Variants in CARD14 observed in about 807,000 individuals in gnomAD.
The protein encoded by CARD14 is caspase recruitment domain-containing protein 14.
CARD14 carries 107 observed loss-of-function variants against 111.5 expected under a neutral mutation model. That is an observed-to-expected ratio of 0.96 (90% confidence interval 0.82 to 1.13). The LOEUF (loss-of-function observed/expected upper bound fraction) is 1.13, where lower values mean the gene tolerates loss of function less well. Ranked by LOEUF, CARD14 falls within the 50% of genes most tolerant of loss-of-function variation. CARD14 has a pLI of 0.00. For synonymous variants in CARD14, 617 were observed against 579.6 expected, an observed-to-expected ratio of 1.06 and a Z score of -0.93; for missense variants, 1,322 against 1,362.3, an observed-to-expected ratio of 0.97 and a Z score of 0.47.
chr17:80,203,563 C>T lies in CARD14; in HGVS notation c.2220-259C>T. The T allele has an allele frequency of 4.5e-6, 2 of 447,656 alleles. No individual in the cohort carries two copies. Among genetic ancestry groups the T allele is most frequent in the Non-Finnish European group, 7.9e-6 (2 of 252,482 alleles). 27.7% of individuals were successfully genotyped at this position (447,656 alleles called of 1,614,324 possible). A position where few individuals can be genotyped will look rare whatever the true frequency, so the allele number is the denominator to read the frequency against. On this transcript the variant is annotated intron_variant, in intron 18 of 23. Transcript: ENST00000648509. This position sits in a 1 kb window ranked among gnomAD's most constrained non-coding sequence, Gnocchi z 4.6. Reference sequence around the variant, plus strand: ...TGTACGCTGGCTGCTCAACAGCACCCCCTGGGTCCCGCCCCAGGACAAGTA... The same window carrying T: ...TGTACGCTGGCTGCTCAACAGCACCTCCTGGGTCCCGCCCCAGGACAAGTA...
chr17:80,208,248 A>G lies in CARD14; in HGVS notation c.2918A>G (p.Asp973Gly), dbSNP rs766211408. Reference protein sequence around the residue: ...APCLYSSLAPDGWSDLDGLLS... With the variant: ...APCLYSSLAPGGWSDLDGLLS... The stretch of plus-strand genomic sequence containing the variant: ...TGTCTATACAGCAGCCTGGCTCCTG[A>G]CGGCTGGAGCGACCTGGACGGCCTG... The change falls in exon 24 of 24, where the codon GAC becomes GGC. Residue 973 changes from aspartate to glycine, a missense_variant. Transcript: ENST00000648509. 16 of 1,581,076 alleles carry G rather than the reference A, an allele frequency of 1.0e-5. No individual in the cohort carries two copies. In the East Asian group the frequency reaches 3.2e-4, roughly 32 times the overall value.
chr17:80,178,134 G>A (rs573157483), intron 2 of CARD14, among the ~76,000 whole-genome samples: 10 of 152,252 alleles, frequency 6.6e-5, no homozygotes, highest in African/African-American at 9.6e-5. Context: ...CTCTGCGCCC[G>A]TCACTGTCCT....
At position 80,205,517 on chromosome 17, in the gene CARD14, A is replaced by G; in HGVS notation, c.2570-14A>G. On this transcript the variant is annotated splice_polypyrimidine_tract_variant and intron_variant, in intron 21 of 23. Transcript: ENST00000648509. ...CAGCTGGTCTATGATGGCCCCGTCC[A>G]ATGTCACCTGTAGAGTACTTGAGCC... 1 of 1,581,650 alleles carries G rather than the reference A, an allele frequency of 6.3e-7. No individual in the cohort carries two copies. Among genetic ancestry groups the G allele is most frequent in the Non-Finnish European group, 8.6e-7 (1 of 1,163,040 alleles).
chr17:80,199,477 GC>G (rs899085340), intron 16 of CARD14, among the ~76,000 whole-genome samples: 43 of 148,092 alleles, frequency 2.9e-4, no homozygotes, highest in African/African-American at 9.7e-4. Flanking sequence ...CTACTCAGAT[GC>G]CTGAGCCCAG....
At chr17:80,202,713 G>A in intron 18 of CARD14, 1 of 888,008 alleles carries the variant, frequency 1.1e-6, no homozygotes, top group Non-Finnish European at 1.5e-6. Context: ...CGTCTGTGGT[G>A]GGGCCGTCCT....
chr17:80,195,600 G>C lies in CARD14; in HGVS notation c.1542G>C (p.Pro514=). 2 of 1,613,212 alleles carry C rather than the reference G, an allele frequency of 1.2e-6. No individual in the cohort carries two copies. ...CGGAGGGAGACCCGGGAGCCCTGCC[G>C]GGAGCTAAGGCAGGCGACCCACACC... The part of the protein sequence containing the change: ...EIPEGDPGAL[P]GAKAGDPHLD... Residue 514 remains proline (P), a synonymous_variant, in exon 14 of 24, where the codon CCG becomes CCC. Coordinates refer to ENST00000648509, the MANE Select transcript of CARD14 (RefSeq NM_001366385.1). This position sits in a 1 kb window ranked among gnomAD's most constrained non-coding sequence, Gnocchi z 4.7.
intron 12 of CARD14, 51 bp downstream of exon 12, chr17:80,192,670 C>G: frequency 7.3e-7 from 1 of 1,361,530 alleles, no homozygotes. Context: ...CTGGGCCAGC[C>G]CAGGGGCCTC....
chr17:80,203,741 CA>C lies in CARD14; in HGVS notation c.2220-80del. The C allele has an allele frequency of 9.3e-7, 1 of 1,070,758 alleles. No individual in the cohort carries two copies. The highest frequency in any genetic ancestry group is 1.6e-5 in the African/African-American group (1 of 62,410). 66.3% of individuals were successfully genotyped at this position (1,070,758 alleles called of 1,614,324 possible). A position where few individuals can be genotyped will look rare whatever the true frequency, so the allele number is the denominator to read the frequency against. ...TTCTCTCCCACCCGGCCATCTCCCCCACTCTCCCCTGCTCGGCTCTCCCCTG... is the reference window on the plus strand; with the variant it reads ...TTCTCTCCCACCCGGCCATCTCCCCCCTCTCCCCTGCTCGGCTCTCCCCTG... On this transcript the variant is annotated intron_variant, in intron 18 of 23. Coordinates refer to ENST00000648509, the MANE Select transcript of CARD14 (RefSeq NM_001366385.1). This position sits in a 1 kb window ranked among gnomAD's most constrained non-coding sequence, Gnocchi z 4.6.
Position 80,201,678 on chromosome 17 carries a change from C to G in CARD14, c.1852-66C>G. ...CGCCTCGCCTCAGTGCCCTCAGCGC[C>G]TTCTGTCTTCTGGCTGGATTCAGAG... On this transcript the variant is annotated intron_variant, in intron 16 of 23. Coordinates refer to ENST00000648509, the MANE Select transcript of CARD14 (RefSeq NM_001366385.1). The surrounding 1 kb of genome is among the most constrained non-coding windows in gnomAD (Gnocchi z 5.0). 6.3e-7 allele frequency: 1 copy of G among 1,592,800 alleles called. No individual in the cohort carries two copies. Among genetic ancestry groups the G allele is most frequent in the Non-Finnish European group, 8.6e-7 (1 of 1,162,220 alleles).
Position 80,188,435 on chromosome 17 carries a change from A to G in CARD14, c.734A>G (p.Glu245Gly), listed in dbSNP as rs2040414785. The change falls in exon 8 of 24, where the codon GAA becomes GGA. Residue 245 changes from glutamate (E) to glycine (G), a missense_variant. Coordinates refer to ENST00000648509, the MANE Select transcript of CARD14 (RefSeq NM_001366385.1). This position sits in a 1 kb window ranked among gnomAD's most constrained non-coding sequence, Gnocchi z 4.5. ...AACATGGTTTCCTCCTGTGAGCTGG[A>G]ATTGCAAGAGCAGTCCCTGAGGACA... ...RANMVSSCEL[E>G]LQEQSLRTAS... is the part of the protein sequence containing the mutation. 6.2e-7 allele frequency: 1 copy of G among 1,610,180 alleles called. No homozygotes were observed. The highest frequency in any genetic ancestry group is 1.7e-5 in the Admixed American group (1 of 59,434).
intron 18 of CARD14, chr17:80,202,704 G>GACGGGGA: frequency 1.0e-6 from 1 of 967,656 alleles, no homozygotes; most frequent in Non-Finnish European, 1.4e-6. Context: ...CTGGATCCCC[G>GACGGGGA]TCTGTGGTGG....
rs770351305 is a variant in CARD14 at position 80,198,426 on chromosome 17, C to T, written c.1686C>T (p.Ala562=). 1.9e-6 allele frequency: 3 copies of T among 1,607,514 alleles called. No individual in the cohort carries two copies. The East Asian group carries it at 6.7e-5, about 36-fold the overall frequency. The stretch of plus-strand genomic sequence containing the variant: ...GCGTCCTCATGCGGCGGAGGCCAGC[C>T]CGCAGGATCCTGAGCCAGGTCACCA... The part of the protein sequence containing the change: ...ESGVLMRRRP[A]RRILSQVTML... The change falls in exon 16 of 24, where the codon GCC becomes GCT. Residue 562 remains alanine, a synonymous_variant. Coordinates refer to ENST00000648509, the MANE Select transcript of CARD14 (RefSeq NM_001366385.1). The surrounding 1 kb of genome is among the most constrained non-coding windows in gnomAD (Gnocchi z 7.5).
In CARD14 at chr17:80,195,836, C is replaced by CG; in HGVS notation, c.1594+185dup. 1.7e-6 allele frequency: 1 copy of CG among 596,992 alleles called. No individual in the cohort carries two copies. The highest frequency in any genetic ancestry group is 2.9e-5 in the East Asian group (1 of 34,902). The allele number at this position is 596,992 out of a possible 1,614,324, so 37.0% of individuals were successfully genotyped here. On this transcript the variant is annotated intron_variant, in intron 14 of 23. Transcript: ENST00000648509. The surrounding 1 kb of genome is among the most constrained non-coding windows in gnomAD (Gnocchi z 4.7). ...TGGGAAAGTCCCGCCTGCCAGCCAGCGTAAGCCAAAGGCCGGCTGCGCTCT... is the reference window on the plus strand; with the variant it reads ...TGGGAAAGTCCCGCCTGCCAGCCAGCGGTAAGCCAAAGGCCGGCTGCGCTCT...
At chr17:80,186,832 G>A (rs934606169) in intron 7 of CARD14, among the ~76,000 whole-genome samples, 7 of 152,224 alleles carry the variant, frequency 4.6e-5, no homozygotes, top group African/African-American at 1.4e-4. Flanking sequence ...TTACAGGCAT[G>A]AGCCACCACG....
At position 80,184,220 on chromosome 17, in the gene CARD14, C is replaced by T. The variant is rs1240570304; in HGVS notation, c.657C>T (p.Cys219=). Residue 219 remains cysteine, a synonymous_variant, in exon 7 of 24, where the codon TGC becomes TGT. Transcript: ENST00000648509. ...LQEKELAASR[C]RSLQEELYLL... Reference sequence around the variant, plus strand: ...AGAAGGAGCTGGCCGCCTCACGCTGCCGCAGCCTGCAGGAGGAGGTAGGGG... The same window carrying T: ...AGAAGGAGCTGGCCGCCTCACGCTGTCGCAGCCTGCAGGAGGAGGTAGGGG... 6 of 1,536,628 alleles carry T rather than the reference C, an allele frequency of 3.9e-6. No homozygotes were observed. The highest frequency in any genetic ancestry group is 2.4e-5 in the East Asian group (1 of 41,382).
In CARD14 at chr17:80,181,784, AC is replaced by A; in HGVS notation, c.211+137del. 4.0e-6 allele frequency: 3 copies of A among 747,950 alleles called. No individual in the cohort carries two copies. In the South Asian group the frequency reaches 5.6e-5, roughly 14 times the overall value. The allele number at this position is 747,950 out of a possible 1,614,324, so 46.3% of individuals were successfully genotyped here. A position where few individuals can be genotyped will look rare whatever the true frequency, so the allele number is the denominator to read the frequency against. On this transcript the variant is annotated intron_variant, in intron 5 of 23. Coordinates refer to ENST00000648509, the MANE Select transcript of CARD14 (RefSeq NM_001366385.1). ...ACACTTGCTGTTGCCTTTAGGGCCC[AC>A]CTGGATAACCAGGATGATCTGATCT... is the stretch of plus-strand genomic sequence containing the variant.
intron 7 of CARD14, 51 bp downstream of exon 7, chr17:80,184,289 G>A (rs1459475289): frequency 3.5e-6 from 5 of 1,425,630 alleles, no homozygotes; most frequent in Non-Finnish European, 4.7e-6. Flanking sequence ...TCTGCCCCCA[G>A]GCCTTTGTAC....
chr17:80,198,263 C>A lies in CARD14; in HGVS notation c.1658+101C>A. On this transcript the variant is annotated intron_variant, in intron 15 of 23. Coordinates refer to ENST00000648509, the MANE Select transcript of CARD14 (RefSeq NM_001366385.1). The surrounding 1 kb of genome is among the most constrained non-coding windows in gnomAD (Gnocchi z 7.5). ...TCCTATTACCAATGGGAGGCAACAG[C>A]CTTTCCAAGCACATGGGGCCATGGA... The A allele has an allele frequency of 1.3e-6, 2 of 1,567,438 alleles. No individual in the cohort carries two copies. The highest frequency in any genetic ancestry group is 1.1e-5 in the South Asian group (1 of 89,232).
chr17:80,185,866 G>A (rs2040328045), intron 7 of CARD14, among the ~76,000 whole-genome samples: 1 of 152,186 alleles, frequency 6.6e-6, no homozygotes, highest in African/African-American at 2.4e-5. Context: ...ATGTTCTTTG[G>A]CCGGGACCCT....
Sources: allele counts gnomAD v4.1 joint callset (sites outside exome capture counted in the v4.1 genomes callset), GRCh38; gene constraint gnomAD v4.1.1; non-coding constraint Gnocchi (gnomAD v3.1); transcripts MANE v1.5; gene names NCBI Gene and HGNC (gene_info 2026-07-23, HGNC 2026-07-21).